The following FAM167A variants were observed in gnomAD, a reference collection of about 807,000 sequenced individuals.
The protein encoded by FAM167A is family with sequence similarity 167 member A.
Under a neutral mutation model 14.9 loss-of-function variants are expected in FAM167A, and 23 were observed. That is an observed-to-expected ratio of 1.55 (90% CI 1.11 to 2.19). FAM167A has a LOEUF of 2.19. Among genes scored for constraint, FAM167A ranks in the 30% most tolerant of loss-of-function variants. The probability of loss-of-function intolerance (pLI) is 0.00; values close to 1 mark genes in which losing one functional copy is unlikely to be tolerated. For missense variants in FAM167A, 401 were observed against 281.5 expected (o/e 1.42, Z -3.04); for synonymous variants, 174 against 117.7 (o/e 1.48, Z -3.10).
chr8:11,469,363 G>A (rs774997535), upstream of FAM167A, among the ~76,000 whole-genome samples: 1 of 152,192 alleles, frequency 6.6e-6, no homozygotes, highest in Non-Finnish European at 1.5e-5. Context: ...ATGGCACTGT[G>A]TTGGTGTTTC....
At chr8:11,426,705 A>G (rs970733563) in intron 2 of FAM167A, among the ~76,000 whole-genome samples, 7 of 152,164 alleles carry the variant, frequency 4.6e-5, no homozygotes, top group African/African-American at 1.2e-4. Flanking sequence ...GGTAGATAAG[A>G]GACAAACGAT....
Position 11,452,431 on chromosome 8 carries a change from T to G in FAM167A, c.-397-7623A>C, listed in dbSNP as rs182717830. Among the ~76,000 whole-genome samples, 2 of 152,204 alleles carry G rather than the reference T, an allele frequency of 1.3e-5. 1 individual carries two copies. Among genetic ancestry groups the G allele is most frequent in the South Asian group, 4.1e-4 (2 of 4,832 alleles). On this transcript the variant is annotated intron_variant, in intron 1 of 2. Transcript: ENST00000284486. ...AGAAGTCTGGTGAGCTGTGCTCTTT[T>G]GGGAGTGGTGCCTCTGGGCTGTTTC...
upstream of FAM167A, among the ~76,000 whole-genome samples, chr8:11,467,102 A>C (rs1807804211): frequency 6.6e-6 from 1 of 152,112 alleles, no homozygotes; most frequent in Non-Finnish European, 1.5e-5. Flanking sequence ...GGGGGACCCC[A>C]CGCCCAGGGC....
intron 1 of FAM167A, among the ~76,000 whole-genome samples, chr8:11,448,166 C>A (rs147044531): frequency 6.7e-6 from 1 of 150,248 alleles, no homozygotes; most frequent in East Asian, 2.0e-4. Context: ...TGCATTCCAG[C>A]CTGGGCGACA....
At chr8:11,473,006 GTT>G (rs1323380799) in intron 1 of FAM167A, among the ~76,000 whole-genome samples, 3 of 152,228 alleles carry the variant, frequency 2.0e-5, no homozygotes, top group Non-Finnish European at 4.4e-5. Context: ...AGCCCAGGAT[GTT>G]CAGGAACAAG....
chr8:11,436,540 A>G (rs1806029658), intron 2 of FAM167A, among the ~76,000 whole-genome samples: 1 of 152,186 alleles, frequency 6.6e-6, no homozygotes, highest in African/African-American at 2.4e-5. Context: ...ACCCCCTAGC[A>G]GGGGCTGTCT....
chr8:11,470,629 T>C (rs1219198676), upstream of FAM167A, among the ~76,000 whole-genome samples: 1 of 152,158 alleles, frequency 6.6e-6, no homozygotes, highest in Non-Finnish European at 1.5e-5. Flanking sequence ...CTTTTGAGTC[T>C]ATAAGCTACT....
chr8:11,443,750 G>C (rs1256945400), intron 2 of FAM167A: 5 of 385,496 alleles, frequency 1.3e-5, no homozygotes, highest in Non-Finnish European at 2.4e-5. Context: ...GTTGGGGGGA[G>C]GGGGGTACAC....
chr8:11,454,924 C>T (rs546931272), intron 1 of FAM167A, among the ~76,000 whole-genome samples: 1 of 152,012 alleles, frequency 6.6e-6, no homozygotes, highest in African/African-American at 2.4e-5. Context: ...CTAGTGGTCC[C>T]CTCCTCCTCC....
intron 2 of FAM167A, among the ~76,000 whole-genome samples, chr8:11,436,743 G>T (rs1051789829): frequency 6.6e-6 from 1 of 152,202 alleles, no homozygotes; most frequent in Non-Finnish European, 1.5e-5. Flanking sequence ...AGACCCCTGG[G>T]GCACAACTGT....
upstream of FAM167A, among the ~76,000 whole-genome samples, chr8:11,470,447 G>T (rs1807924035): frequency 6.6e-6 from 1 of 152,200 alleles, no homozygotes; most frequent in Admixed American, 6.5e-5. Context: ...GGTGGGAGAT[G>T]ACATCAGAGA....
chr8:11,445,521 G>C (rs1043956934), intron 1 of FAM167A: 1 of 985,454 alleles, frequency 1.0e-6, no homozygotes, highest in East Asian at 1.1e-4. Context: ...GTGACTCATT[G>C]TTCTAGAACG....
At position 11,447,827 on chromosome 8, in the gene FAM167A, T is replaced by C. The variant is rs542092307; in HGVS notation, c.-397-3019A>G. On this transcript the variant is annotated intron_variant, in intron 1 of 2. Coordinates refer to ENST00000284486, the MANE Select transcript of FAM167A (RefSeq NM_053279.3). ...GGCCTCTGTGTCCTCTTCTGAGAAA[T>C]GAGAACAACCGGAACGACTACATAA... is the stretch of plus-strand genomic sequence containing the variant. Among the ~76,000 whole-genome samples the C allele has an allele frequency of 6.8e-4, 103 of 152,318 alleles. 2 individuals carry two copies. The highest frequency in any genetic ancestry group is 2.3e-3 in the African/African-American group (97 of 41,574).
intron 2 of FAM167A, among the ~76,000 whole-genome samples, chr8:11,425,450 G>C (rs1337921246): frequency 2.6e-5 from 4 of 152,230 alleles, no homozygotes; most frequent in Non-Finnish European, 5.9e-5. Context: ...ACGAGCTGCA[G>C]TGTGGTGTAT....
intron 2 of FAM167A, among the ~76,000 whole-genome samples, chr8:11,433,135 C>T (rs1805731260): frequency 6.6e-6 from 1 of 151,956 alleles, no homozygotes; most frequent in South Asian, 2.1e-4. Flanking sequence ...AGCAAACCAC[C>T]ATGGCATGTG....
Position 11,424,094 on chromosome 8 carries a change from T to C in FAM167A, c.*279A>G, listed in dbSNP as rs1171698653. 5 of 404,688 alleles carry C rather than the reference T, an allele frequency of 1.2e-5. No individual in the cohort carries two copies. The highest frequency in any genetic ancestry group is 2.3e-5 in the Non-Finnish European group (5 of 221,518). 25.1% of individuals were successfully genotyped at this position (404,688 alleles called of 1,614,324 possible). ...AACGTGACCGTGGAGGGATGGATTA[T>C]GGTGGGAACCCAGGTCTCCTTTAAC... is the stretch of plus-strand genomic sequence containing the variant. On this transcript the variant is annotated 3_prime_UTR_variant, in exon 3 of 3. Transcript: ENST00000284486.
rs1043580047 is a variant in FAM167A at position 11,444,521 on chromosome 8, C to G, written c.-110G>C. On this transcript the variant is annotated 5_prime_UTR_variant, in exon 2 of 3. Coordinates refer to ENST00000284486, the MANE Select transcript of FAM167A (RefSeq NM_053279.3). ...TCTGGGATGGCCTCATCCAGGTGCC[C>G]GAGGGCATTTCCGGGACAGGAGCCG... 9.5e-6 allele frequency: 14 copies of G among 1,471,554 alleles called. No homozygotes were observed. In the Admixed American group the frequency reaches 3.5e-4, roughly 36 times the overall value. The allele number at this position is 1,471,554 out of a possible 1,614,324, so 91.2% of individuals were successfully genotyped here. A position where few individuals can be genotyped will look rare whatever the true frequency, so the allele number is the denominator to read the frequency against.
intron 1 of FAM167A, among the ~76,000 whole-genome samples, chr8:11,461,100 T>C (rs1326451406): frequency 6.6e-6 from 1 of 152,204 alleles, no homozygotes; most frequent in African/African-American, 2.4e-5. Context: ...CCCTGGCTCC[T>C]GGGAGCCACA....
intron 1 of FAM167A, chr8:11,445,679 C>T: frequency 1.1e-6 from 1 of 936,722 alleles, no homozygotes; most frequent in Non-Finnish European, 1.3e-6. Flanking sequence ...GGGTAGAAAT[C>T]TAACTCCCAG....
Sources: gnomAD v4.1 joint callset for allele counts (sites outside exome capture counted in the v4.1 genomes callset) on GRCh38, gnomAD v4.1.1 for gene constraint, MANE v1.5 for transcripts, NCBI Gene and HGNC (gene_info 2026-07-23, HGNC 2026-07-21) for gene names.